MDGA2: variants seen among roughly 807,000 people sequenced by gnomAD.
MDGA2 encodes the protein MAM domain containing glycosylphosphatidylinositol anchor 2.
A neutral mutation model predicts 117.8 loss-of-function variants in MDGA2; 40 were observed. The observed-to-expected ratio is 0.34, with a 90% CI of 0.26 to 0.44. The LOEUF is 0.44. Ranked by LOEUF, MDGA2 falls within the 20% of genes least tolerant of loss-of-function variation. MDGA2 has a pLI of 1.00. For synonymous variants in MDGA2, 452 were observed against 439.0 expected (o/e 1.03, Z -0.37); for missense variants, 1,123 against 1,250.6 (o/e 0.90, Z 1.54).
intron 14 of MDGA2, among the ~76,000 whole-genome samples, chr14:46,863,548 C>T (rs1881599433): frequency 1.3e-5 from 2 of 152,018 alleles, no homozygotes; most frequent in South Asian, 4.1e-4. Flanking sequence ...AAGTTTGGTA[C>T]ACTGGATGAG....
At chr14:47,182,597 G>A (rs950069458) in intron 3 of MDGA2, among the ~76,000 whole-genome samples, 10 of 152,094 alleles carry the variant, frequency 6.6e-5, no homozygotes, top group African/African-American at 2.4e-4. Flanking sequence ...CTCTAGAACT[G>A]GGAGATGACA....
chr14:47,407,474 T>C (rs1892281966), intron 1 of MDGA2, among the ~76,000 whole-genome samples: 2 of 152,220 alleles, frequency 1.3e-5, no homozygotes, highest in African/African-American at 4.8e-5. Context: ...AACTGGAATC[T>C]TTGTGAATTC....
chr14:47,603,911 C>A (rs1896693020), intron 1 of MDGA2, among the ~76,000 whole-genome samples: 1 of 152,180 alleles, frequency 6.6e-6, no homozygotes, highest in Admixed American at 6.6e-5. Context: ...TCCCTGCTCT[C>A]TTTCTTGCTC....
chr14:47,472,783 G>A (rs567451345), intron 1 of MDGA2, among the ~76,000 whole-genome samples: 5 of 152,084 alleles, frequency 3.3e-5, no homozygotes, highest in Non-Finnish European at 4.4e-5. Context: ...TTAAAAGCCC[G>A]AGCCTCCAAT....
chr14:47,353,653 A>G (rs1161798245), intron 1 of MDGA2, among the ~76,000 whole-genome samples: 1 of 152,216 alleles, frequency 6.6e-6, no homozygotes. Context: ...CAACAACAAA[A>G]GAAACCGTAG....
At chr14:47,491,579 C>A (rs1894170557) in intron 1 of MDGA2, among the ~76,000 whole-genome samples, 1 of 152,072 alleles carries the variant, frequency 6.6e-6, no homozygotes, top group African/African-American at 2.4e-5. Context: ...ATAATAAAAA[C>A]CATGAAGATC....
chr14:47,324,957 A>T (rs1890100165), intron 1 of MDGA2, among the ~76,000 whole-genome samples: 1 of 152,142 alleles, frequency 6.6e-6, no homozygotes, highest in Non-Finnish European at 1.5e-5. Flanking sequence ...TGATCAAGGG[A>T]AAATAGGCCC....
intron 3 of MDGA2, chr14:47,200,531 T>TTTG: frequency 3.3e-6 from 2 of 611,752 alleles, no homozygotes; most frequent in Non-Finnish European, 5.0e-6. Flanking sequence ...TTCTTTTTCT[T>TTTG]TTCTTTTTTT....
At chr14:47,129,128 G>A (rs1208130861) in intron 5 of MDGA2, among the ~76,000 whole-genome samples, 2 of 151,122 alleles carry the variant, frequency 1.3e-5, no homozygotes, top group Non-Finnish European at 2.9e-5. Flanking sequence ...AAGTTTTAGG[G>A]TACATGTGCA....
At chr14:47,621,344 ACT>A (rs1897046408) in intron 1 of MDGA2, among the ~76,000 whole-genome samples, 1 of 151,792 alleles carries the variant, frequency 6.6e-6, no homozygotes, top group Admixed American at 6.6e-5. Context: ...ATCTTTTTTT[ACT>A]GTTTCTTAAA....
intron 3 of MDGA2, among the ~76,000 whole-genome samples, chr14:47,156,620 C>T (rs571094877): frequency 1.2e-3 from 177 of 152,312 alleles, no homozygotes; most frequent in Middle Eastern, 6.8e-3. Context: ...ATGTTTTCCA[C>T]AGGAGTTTAT....
chr14:47,473,839 A>G (rs867138737), intron 1 of MDGA2, among the ~76,000 whole-genome samples: 1 of 152,192 alleles, frequency 6.6e-6, no homozygotes, highest in African/African-American at 2.4e-5. Context: ...ATTAAGAGCC[A>G]TGTATGACAT....
intron 1 of MDGA2, among the ~76,000 whole-genome samples, chr14:47,398,130 C>G (rs1040651176): frequency 2.6e-5 from 4 of 152,250 alleles, no homozygotes; most frequent in Non-Finnish European, 2.9e-5. Context: ...ATCAAACCCA[C>G]AGTGGTTTGG....
At chr14:46,983,817 ATTCTC>A (rs1458070696) in intron 8 of MDGA2, among the ~76,000 whole-genome samples, 1 of 152,026 alleles carries the variant, frequency 6.6e-6, no homozygotes, top group Non-Finnish European at 1.5e-5. Flanking sequence ...ATTTTGATTA[ATTCTC>A]TTCTCCATCT....
chr14:47,024,909 C>A (rs1888418497), intron 8 of MDGA2, among the ~76,000 whole-genome samples: 1 of 151,976 alleles, frequency 6.6e-6, no homozygotes, highest in African/African-American at 2.4e-5. Context: ...AAGGAACTCA[C>A]AAGGTAGATT....
At chr14:46,894,723 T>C (rs139741648) in intron 10 of MDGA2, among the ~76,000 whole-genome samples, 242 of 152,220 alleles carry the variant, frequency 1.6e-3, no homozygotes, top group Non-Finnish European at 2.4e-3. Flanking sequence ...TACTGACATA[T>C]CCCCCTACCA....
intron 5 of MDGA2, among the ~76,000 whole-genome samples, chr14:47,113,060 C>T (rs1278603976): frequency 1.3e-5 from 2 of 152,214 alleles, no homozygotes; most frequent in African/African-American, 2.4e-5. Flanking sequence ...GGTGTCTGTT[C>T]ATGTCCTTTG....
chr14:47,634,533 A>G (rs1375719351), intron 1 of MDGA2, among the ~76,000 whole-genome samples: 1 of 152,174 alleles, frequency 6.6e-6, no homozygotes, highest in Non-Finnish European at 1.5e-5. Flanking sequence ...TGTCTGTTCT[A>G]AAAGAAAAAT....
intron 3 of MDGA2, among the ~76,000 whole-genome samples, chr14:47,209,161 T>A (rs1885793974): frequency 6.6e-6 from 1 of 152,206 alleles, no homozygotes; most frequent in Non-Finnish European, 1.5e-5. Flanking sequence ...TTTACTCATC[T>A]AATTTTTAAC....
Sources: allele counts gnomAD v4.1 joint callset (sites outside exome capture counted in the v4.1 genomes callset), GRCh38; gene constraint gnomAD v4.1.1; transcripts MANE v1.5; gene names NCBI Gene and HGNC (gene_info 2026-07-23, HGNC 2026-07-21).